KHDRBS2: variants seen among roughly 807,000 people sequenced by gnomAD.
The protein encoded by KHDRBS2 is KH RNA binding domain containing, signal transduction associated 2.
Under a neutral mutation model 44.3 loss-of-function variants are expected in KHDRBS2, and 26 were observed. That is an observed-to-expected ratio of 0.59 (90% CI 0.43 to 0.81). KHDRBS2 has a LOEUF of 0.81. Among genes scored for constraint, KHDRBS2 ranks in the 40% least tolerant of loss-of-function variants. KHDRBS2 has a pLI of 0.00. For missense variants in KHDRBS2, 476 were observed against 433.1 expected (o/e 1.10, Z -0.88); for synonymous variants, 194 against 151.1 (o/e 1.28, Z -2.08).
At chr6:61,697,306 C>T in intron 7 of KHDRBS2, 53 bp from the exon 8 acceptor site, 1 of 1,147,764 alleles carries the variant, frequency 8.7e-7, no homozygotes, top group Non-Finnish European at 1.3e-6. Flanking sequence ...AAATTCAACC[C>T]AGAAACTCAT....
At chr6:61,569,896 T>G in the KHDRBS2 span, among the ~76,000 whole-genome samples, 1 of 152,098 alleles carries the variant, frequency 6.6e-6, no homozygotes, top group Non-Finnish European at 1.5e-5. Context: ...TGCCAAGGAA[T>G]TACCCCATGA....
chr6:61,983,643 C>A (rs1335752099), intron 3 of KHDRBS2, among the ~76,000 whole-genome samples: 1 of 151,952 alleles, frequency 6.6e-6, no homozygotes, highest in Non-Finnish European at 1.5e-5. Flanking sequence ...CTGAGATTCC[C>A]TATGTTAATA....
chr6:61,921,022 A>G (rs931482607), intron 4 of KHDRBS2, among the ~76,000 whole-genome samples: 3 of 152,002 alleles, frequency 2.0e-5, no homozygotes, highest in African/African-American at 7.2e-5. Flanking sequence ...TGAAAAAGAA[A>G]ACTAAAAGGT....
chr6:61,553,224 C>A, the KHDRBS2 span, among the ~76,000 whole-genome samples: 1 of 152,002 alleles, frequency 6.6e-6, no homozygotes, highest in Non-Finnish European at 1.5e-5. Flanking sequence ...TCCTGGTTTA[C>A]TCTTGGGAGG....
intron 1 of KHDRBS2, among the ~76,000 whole-genome samples, chr6:62,278,869 C>T (rs1301827421): frequency 4.6e-5 from 7 of 151,872 alleles, no homozygotes; most frequent in South Asian, 4.2e-4. Context: ...CCGAGGTGGG[C>T]GGATCACGAG....
At chr6:61,946,811 G>C (rs1813460634) in intron 4 of KHDRBS2, among the ~76,000 whole-genome samples, 3 of 152,118 alleles carry the variant, frequency 2.0e-5, no homozygotes, top group Admixed American at 1.3e-4. Context: ...TAGAACAAAT[G>C]CATGAAATAT....
At chr6:61,672,596 G>A in the KHDRBS2 span, among the ~76,000 whole-genome samples, 1 of 151,826 alleles carries the variant, frequency 6.6e-6, no homozygotes, top group Middle Eastern at 3.2e-3. Flanking sequence ...CTGATGGCCA[G>A]TGATGGTGAG....
At chr6:61,986,391 A>G (rs1317010853) in intron 3 of KHDRBS2, among the ~76,000 whole-genome samples, 1 of 152,232 alleles carries the variant, frequency 6.6e-6, no homozygotes, top group African/African-American at 2.4e-5. Flanking sequence ...TAATATAATT[A>G]CAAAAGTTTC....
At chr6:61,968,601 T>A (rs1456914253) in intron 4 of KHDRBS2, among the ~76,000 whole-genome samples, 1 of 152,082 alleles carries the variant, frequency 6.6e-6, no homozygotes, top group Non-Finnish European at 1.5e-5. Context: ...TCCAGAGTTG[T>A]CTATGTAACC....
chr6:61,590,415 G>A, the KHDRBS2 span, among the ~76,000 whole-genome samples: 1 of 152,072 alleles, frequency 6.6e-6, no homozygotes, highest in African/African-American at 2.4e-5. Context: ...TGCATCCAAA[G>A]TCTTATCTGA....
the KHDRBS2 span, among the ~76,000 whole-genome samples, chr6:61,546,015 C>T: frequency 1.3e-5 from 2 of 152,098 alleles, no homozygotes; most frequent in African/African-American, 4.8e-5. Flanking sequence ...TACAGCTCCT[C>T]ATATTTTGTA....
chr6:61,723,087 AG>A (rs1772953337), intron 7 of KHDRBS2, among the ~76,000 whole-genome samples: 1 of 152,258 alleles, frequency 6.6e-6, no homozygotes, highest in Admixed American at 6.5e-5. Context: ...GGAAAAACTG[AG>A]GCAACTAGGG....
intron 7 of KHDRBS2, among the ~76,000 whole-genome samples, chr6:61,704,592 T>A (rs932482794): frequency 1.3e-5 from 2 of 151,820 alleles, no homozygotes; most frequent in African/African-American, 4.8e-5. Flanking sequence ...AAGGACCTTG[T>A]CTTAACATGG....
chr6:62,175,558 A>C (rs767755938), intron 2 of KHDRBS2, among the ~76,000 whole-genome samples: 2 of 144,324 alleles, frequency 1.4e-5, no homozygotes, highest in African/African-American at 2.9e-5. Context: ...CTCATCTGTA[A>C]AATAAAAGTT....
chr6:62,278,911 G>A (rs62414797), intron 1 of KHDRBS2, among the ~76,000 whole-genome samples: 8,167 of 152,006 alleles, frequency 0.054, 263 homozygotes, highest in Admixed American at 0.075. Flanking sequence ...TGGTTAACAC[G>A]GTGAAACCCC....
At chr6:61,741,264 A>G (rs981715590) in intron 6 of KHDRBS2, among the ~76,000 whole-genome samples, 50 of 151,904 alleles carry the variant, frequency 3.3e-4, no homozygotes, top group African/African-American at 1.2e-3. Flanking sequence ...GGAATGGTAA[A>G]CAGAATATGT....
In KHDRBS2 at chr6:61,915,060, G is replaced by A. The variant is rs1326373792; in HGVS notation, c.484-13689C>T. On this transcript the variant is annotated intron_variant, in intron 4 of 8. Coordinates refer to ENST00000281156, the MANE Select transcript of KHDRBS2 (RefSeq NM_152688.4). Reference sequence around the variant, plus strand: ...CCAGTTTTCCTAAGCATTATGTCAGGAGTGGACAGTAGAAGGGTGTGTAGA... The same window carrying A: ...CCAGTTTTCCTAAGCATTATGTCAGAAGTGGACAGTAGAAGGGTGTGTAGA... 5.3e-5 allele frequency among the ~76,000 whole-genome samples: 8 copies of A among 152,188 alleles called. No individual in the cohort carries two copies. The East Asian group carries it at 1.5e-3, about 29-fold the overall frequency.
chr6:61,819,825 A>T (rs1789595973), intron 6 of KHDRBS2, among the ~76,000 whole-genome samples: 1 of 152,034 alleles, frequency 6.6e-6, no homozygotes, highest in South Asian at 2.1e-4. Context: ...CTTCTAACTG[A>T]AACCAACTGA....
chr6:62,129,397 A>T (rs1360553383), intron 2 of KHDRBS2, among the ~76,000 whole-genome samples: 1 of 152,170 alleles, frequency 6.6e-6, no homozygotes, highest in Non-Finnish European at 1.5e-5. Flanking sequence ...CATGAAAAAT[A>T]TAACACAGGA....
Sources: gnomAD v4.1 joint callset for allele counts (sites outside exome capture counted in the v4.1 genomes callset) on GRCh38, gnomAD v4.1.1 for gene constraint, MANE v1.5 for transcripts, NCBI Gene and HGNC (gene_info 2026-07-23, HGNC 2026-07-21) for gene names.